The following GRIA2 variants were observed in gnomAD, a reference collection of about 807,000 sequenced individuals.
GRIA2 encodes glutamate ionotropic receptor AMPA type subunit 2, also known as glutamate receptor 2.
GRIA2 carries 14 observed loss-of-function variants against 97.3 expected under a neutral mutation model. That is an observed-to-expected ratio of 0.14 (90% CI 0.10 to 0.23). GRIA2 has a LOEUF of 0.23. Among genes scored for constraint, GRIA2 ranks in the 10% least tolerant of loss-of-function variants. The pLI is 1.00. For synonymous variants in GRIA2, 412 were observed against 387.8 expected, an observed-to-expected ratio of 1.06 and a Z score of -0.73; for missense variants, 558 against 1,069.8, an observed-to-expected ratio of 0.52 and a Z score of 6.67.
At chr4:157,258,940 G>A (rs756727326) in intron 2 of GRIA2, among the ~76,000 whole-genome samples, 10 of 152,138 alleles carry the variant, frequency 6.6e-5, no homozygotes, top group Non-Finnish European at 1.5e-4. Context: ...GGGACACCCA[G>A]TTGTGGTGGC....
chr4:157,344,263 A>G (rs1364779365), intron 12 of GRIA2, among the ~76,000 whole-genome samples: 1 of 152,180 alleles, frequency 6.6e-6, no homozygotes, highest in African/African-American at 2.4e-5. Context: ...CTTTCTGTGG[A>G]AAAATGTGGC....
At chr4:157,302,668 T>C (rs1176675513) in intron 2 of GRIA2, among the ~76,000 whole-genome samples, 2 of 152,146 alleles carry the variant, frequency 1.3e-5, no homozygotes, top group Admixed American at 6.6e-5. Context: ...ATGTTAAGTA[T>C]ATACTGTCAG....
chr4:157,230,158 T>TA (rs1339954017), intron 2 of GRIA2, among the ~76,000 whole-genome samples: 3 of 152,198 alleles, frequency 2.0e-5, no homozygotes, highest in Non-Finnish European at 4.4e-5. Context: ...CCTTTGCAGC[T>TA]AAAATTCTCT....
chr4:157,266,964 G>C (rs527936839), intron 2 of GRIA2, among the ~76,000 whole-genome samples: 1 of 152,070 alleles, frequency 6.6e-6, no homozygotes, highest in South Asian at 2.1e-4. Context: ...AGTAGGCTCA[G>C]CTATTTGAGA....
chr4:157,277,866 A>G (rs546759643), intron 2 of GRIA2, among the ~76,000 whole-genome samples: 1 of 146,082 alleles, frequency 6.8e-6, no homozygotes, highest in African/African-American at 2.5e-5. Flanking sequence ...ATATATATGT[A>G]TATATGTATA....
intron 12 of GRIA2, among the ~76,000 whole-genome samples, chr4:157,357,097 A>G (rs1035785908): frequency 6.6e-6 from 1 of 152,130 alleles, no homozygotes; most frequent in Non-Finnish European, 1.5e-5. Flanking sequence ...GGAGAAAATC[A>G]AGATTTCTAG....
At chr4:157,242,954 C>G (rs976746512) in intron 2 of GRIA2, among the ~76,000 whole-genome samples, 4 of 152,020 alleles carry the variant, frequency 2.6e-5, no homozygotes, top group Non-Finnish European at 5.9e-5. Flanking sequence ...GACAGCAATT[C>G]CTATCTATGC....
intron 6 of GRIA2, among the ~76,000 whole-genome samples, chr4:157,329,358 T>C (rs1297033704): frequency 2.0e-5 from 3 of 152,112 alleles, no homozygotes; most frequent in Non-Finnish European, 2.9e-5. Context: ...AACTAAATAA[T>C]TGAGGCTATT....
chr4:157,364,203 G>A lies in GRIA2; in HGVS notation c.*772G>A, dbSNP rs539725881. 3.3e-5 allele frequency: 5 copies of A among 152,522 alleles called. No homozygotes were observed. Among genetic ancestry groups the A allele is most frequent in the Non-Finnish European group, 5.9e-5 (4 of 67,956 alleles). 9.4% of individuals were successfully genotyped at this position (152,522 alleles called of 1,614,324 possible). A position where few individuals can be genotyped will look rare whatever the true frequency, so the allele number is the denominator to read the frequency against. ...TTAATATTGTTATTAAAACTTTAATGTATCCTATTCTTTAACATTTGGTGT... is the reference window on the plus strand; with the variant it reads ...TTAATATTGTTATTAAAACTTTAATATATCCTATTCTTTAACATTTGGTGT... On this transcript the variant is annotated 3_prime_UTR_variant, in exon 16 of 16. Transcript: ENST00000264426.
At chr4:157,341,700 TA>T (rs1735557060) in intron 12 of GRIA2, among the ~76,000 whole-genome samples, 1 of 152,172 alleles carries the variant, frequency 6.6e-6, no homozygotes, top group Non-Finnish European at 1.5e-5. Context: ...AAATCTGTTT[TA>T]CAAAAATTGA....
chr4:157,279,438 A>AG (rs1324259344), intron 2 of GRIA2, among the ~76,000 whole-genome samples: 1 of 152,178 alleles, frequency 6.6e-6, no homozygotes, highest in African/African-American at 2.4e-5. Context: ...CAGAGGCTGA[A>AG]GGAGGGAAGG....
intron 11 of GRIA2, among the ~76,000 whole-genome samples, chr4:157,340,678 C>A (rs142644368): frequency 1.3e-5 from 2 of 151,922 alleles, no homozygotes; most frequent in African/African-American, 4.8e-5. Flanking sequence ...TGTGCGGTAT[C>A]TTTGCTTGTA....
intron 8 of GRIA2, among the ~76,000 whole-genome samples, chr4:157,333,629 GT>G (rs1735157189): frequency 6.6e-6 from 1 of 151,992 alleles, no homozygotes; most frequent in African/African-American, 2.4e-5. Flanking sequence ...AAGAATTATT[GT>G]TGAAGGTTTA....
intron 5 of GRIA2, among the ~76,000 whole-genome samples, chr4:157,320,045 G>A (rs977388210): frequency 2.6e-5 from 4 of 151,980 alleles, no homozygotes; most frequent in African/African-American, 9.7e-5. Context: ...TACCTGATAT[G>A]TTTGAATATT....
chr4:157,221,943 CGT>C, intron 2 of GRIA2, 136 bp downstream of exon 2: 2 of 739,032 alleles, frequency 2.7e-6, no homozygotes, highest in Non-Finnish European at 4.6e-6. Flanking sequence ...TGCACACACG[CGT>C]GCGTGTGACC....
In GRIA2 at chr4:157,321,421, A is replaced by T; in HGVS notation, c.721-17A>T. The T allele has an allele frequency of 6.3e-7, 1 of 1,577,788 alleles. No homozygotes were observed. Among genetic ancestry groups the T allele is most frequent in the African/African-American group, 1.4e-5 (1 of 73,528 alleles). On this transcript the variant is annotated splice_polypyrimidine_tract_variant and intron_variant, in intron 5 of 15. Coordinates refer to ENST00000264426, the MANE Select transcript of GRIA2 (RefSeq NM_001083619.3). ...TTCTCAAACAAAAAGCGTGATATCA[A>T]TGTGTTCTATGTTTAGGGATTTACT...
chr4:157,363,451 C>A lies in GRIA2; in HGVS notation c.*20C>A. 8.0e-7 allele frequency: 1 copy of A among 1,243,048 alleles called. No individual in the cohort carries two copies. Among genetic ancestry groups the A allele is most frequent in the Non-Finnish European group, 1.0e-6 (1 of 992,390 alleles). The allele number at this position is 1,243,048 out of a possible 1,614,324, so 77.0% of individuals were successfully genotyped here. A position where few individuals can be genotyped will look rare whatever the true frequency, so the allele number is the denominator to read the frequency against. ...TCATTTAAGATGACCTTGAATGATG[C>A]CATGAGGAACAAGGCAAGGCTGTCA... On this transcript the variant is annotated 3_prime_UTR_variant, in exon 16 of 16. Coordinates refer to ENST00000264426, the MANE Select transcript of GRIA2 (RefSeq NM_001083619.3).
At chr4:157,277,480 A>G (rs1732376225) in intron 2 of GRIA2, among the ~76,000 whole-genome samples, 1 of 151,858 alleles carries the variant, frequency 6.6e-6, no homozygotes, top group Non-Finnish European at 1.5e-5. Context: ...CAAAGCAAGG[A>G]TGTTCTCTTT....
chr4:157,363,733 AT>A lies in GRIA2; in HGVS notation c.*304del, dbSNP rs1194737404. Reference sequence around the variant, plus strand: ...CTTAAATATGTGGAGTTCATCTTGAATTGTAAGGAATGATTAATTAAAACAC... The same window carrying A: ...CTTAAATATGTGGAGTTCATCTTGAATGTAAGGAATGATTAATTAAAACAC... On this transcript the variant is annotated 3_prime_UTR_variant, in exon 16 of 16. Transcript: ENST00000264426. 3.6e-5 allele frequency: 15 copies of A among 418,794 alleles called. No individual in the cohort carries two copies. Among genetic ancestry groups the A allele is most frequent in the Non-Finnish European group, 6.1e-5 (15 of 244,258 alleles). 25.9% of individuals were successfully genotyped at this position (418,794 alleles called of 1,614,324 possible).
Sources: gnomAD v4.1 joint callset for allele counts (sites outside exome capture counted in the v4.1 genomes callset) on GRCh38, gnomAD v4.1.1 for gene constraint, MANE v1.5 for transcripts, NCBI Gene and HGNC (gene_info 2026-07-23, HGNC 2026-07-21) for gene names.